Variants in UTP20 observed in about 807,000 individuals in gnomAD.
UTP20 encodes the protein small subunit processome component 20 homolog.
UTP20 carries 164 observed loss-of-function variants against 329.5 expected under a neutral mutation model. The ratio of observed to expected loss-of-function variants is 0.50; its 90% CI spans 0.44 to 0.57. The LOEUF (loss-of-function observed/expected upper bound fraction) is 0.57. Ranked by LOEUF, UTP20 falls within the 20% of genes least tolerant of loss-of-function variation. The pLI is 0.00. For synonymous variants in UTP20, 1,151 were observed against 1,159.3 expected, an observed-to-expected ratio of 0.99 and a Z score of 0.14; for missense variants, 3,055 against 3,284.2, an observed-to-expected ratio of 0.93 and a Z score of 1.71.
intron 11 of UTP20, among the ~76,000 whole-genome samples, chr12:101,294,292 GCTAT>G (rs1872273331): frequency 6.6e-6 from 1 of 151,762 alleles, no homozygotes; most frequent in Admixed American, 6.6e-5. Flanking sequence ...GCCTCGGCCA[GCTAT>G]TTTTTTCTTA....
intron 55 of UTP20, 35 bp downstream of exon 55, chr12:101,374,974 C>G: frequency 2.6e-6 from 4 of 1,538,854 alleles, no homozygotes; most frequent in Non-Finnish European, 3.6e-6. Flanking sequence ...ACTTTTCTAA[C>G]TTATAGTTTT....
chr12:101,321,046 T>C, intron 24 of UTP20, 109 bp downstream of exon 24: 9 of 936,274 alleles, frequency 9.6e-6, no homozygotes, highest in African/African-American at 1.7e-5. Flanking sequence ...AGTTTCCCTT[T>C]TTTCTGAGGT....
chr12:101,368,000 A>G lies in UTP20; in HGVS notation c.6384+24A>G, dbSNP rs190350696. ...AGGTAAGCATCGGTTTGCACTCTGC[A>G]TTGGAGCATTTATTTCTTCAGAAGA... On this transcript the variant is annotated intron_variant, in intron 48 of 61. Transcript: ENST00000261637. 3.3e-4 allele frequency: 477 copies of G among 1,466,156 alleles called. 2 individuals are homozygous for G. The African/African-American group carries it at 5.4e-3, about 17-fold the overall frequency. 90.8% of individuals were successfully genotyped at this position (1,466,156 alleles called of 1,614,324 possible).
intron 56 of UTP20, among the ~76,000 whole-genome samples, chr12:101,376,015 C>CT (rs1442490713): frequency 6.6e-6 from 1 of 152,086 alleles, no homozygotes; most frequent in African/African-American, 2.4e-5. Flanking sequence ...ATATGTATCT[C>CT]TTTTTTTCCT....
Position 101,285,653 on chromosome 12 carries a change from T to C in UTP20, c.193+17T>C. ...AACACTTCGGTATTTTCTATTTCGTTTCTATTTTATTCACCCATAGTTTGC... is the reference window on the plus strand; with the variant it reads ...AACACTTCGGTATTTTCTATTTCGTCTCTATTTTATTCACCCATAGTTTGC... On this transcript the variant is annotated intron_variant, in intron 3 of 61. Transcript: ENST00000261637. 6.2e-7 allele frequency: 1 copy of C among 1,613,796 alleles called. No individual in the cohort carries two copies. The highest frequency in any genetic ancestry group is 8.5e-7 in the Non-Finnish European group (1 of 1,179,796).
Position 101,374,886 on chromosome 12 carries a change from G to A in UTP20, c.7210G>A (p.Gly2404Arg). ...AGGAGTTGATTTTGAGAAAAGACTT[G>A]GAACTGTCCTTCCTGTGATTGAAAA... Reference protein sequence around the residue: ...SEGVDFEKRLGTVLPVIEKEI... With the variant: ...SEGVDFEKRLRTVLPVIEKEI... The change falls in exon 55 of 62, where the codon GGA becomes AGA. Residue 2404 changes from glycine (G) to arginine (R), a missense_variant. Gly to Arg is a moderately radical substitution (Grantham distance 125). Coordinates refer to ENST00000261637, the MANE Select transcript of UTP20 (RefSeq NM_014503.3). 6.2e-7 allele frequency: 1 copy of A among 1,604,802 alleles called. No individual in the cohort carries two copies. Among genetic ancestry groups the A allele is most frequent in the Non-Finnish European group, 8.5e-7 (1 of 1,171,654 alleles).
intron 38 of UTP20, among the ~76,000 whole-genome samples, chr12:101,347,322 A>G (rs1290792131): frequency 6.6e-6 from 1 of 152,124 alleles, no homozygotes; most frequent in Non-Finnish European, 1.5e-5. Context: ...CAGGAGTTTG[A>G]GACCAGCCTG....
intron 29 of UTP20, among the ~76,000 whole-genome samples, chr12:101,335,522 C>A (rs142177252): frequency 6.6e-6 from 1 of 152,294 alleles, no homozygotes; most frequent in East Asian, 1.9e-4. Flanking sequence ...CTCCCAGTTC[C>A]CACTGAAAAT....
At chr12:101,344,898 T>C (rs1869267333) in intron 36 of UTP20, 148 bp downstream of exon 36, 2 of 503,562 alleles carry the variant, frequency 4.0e-6, no homozygotes, top group Non-Finnish European at 7.0e-6. Context: ...AGACTTTTAA[T>C]GGGAGTGGGT....
intron 41 of UTP20, 134 bp from the exon 42 acceptor site, chr12:101,356,420 C>T (rs1258419012): frequency 1.1e-6 from 1 of 890,814 alleles, no homozygotes; most frequent in Non-Finnish European, 1.6e-6. Flanking sequence ...GCCACCGCAC[C>T]CAGCCTTTTC....
chr12:101,312,201 G>T lies in UTP20; in HGVS notation c.2477G>T (p.Arg826Ile). Residue 826 changes from arginine (R) to isoleucine (I), a missense_variant, in exon 21 of 62, where the codon AGA becomes ATA. Coordinates refer to ENST00000261637, the MANE Select transcript of UTP20 (RefSeq NM_014503.3). The stretch of plus-strand genomic sequence containing the variant: ...ACCAACTTCAGATTCCTGCTCTGGA[G>T]AGCTCTGACCAAATTCCCAGAAAGA... ...DHTNFRFLLW[R>I]ALTKFPERVE... is the part of the protein sequence containing the mutation. 1 of 1,614,208 alleles carries T rather than the reference G, an allele frequency of 6.2e-7. No individual in the cohort carries two copies. The highest frequency in any genetic ancestry group is 8.5e-7 in the Non-Finnish European group (1 of 1,180,036).
Position 101,344,594 on chromosome 12 carries a change from G to A in UTP20, c.4450-1G>A. ...TTCTTTTTTATTTCTCTTTTTTGCA[G>A]TTAGGAGATATGAGTTTAAGTGATA... On this transcript the variant is annotated splice_acceptor_variant, in intron 35 of 61. Transcript: ENST00000261637. LOFTEE classifies it high-confidence loss of function. 1.1e-6 allele frequency: 1 copy of A among 939,030 alleles called. No individual in the cohort carries two copies. Among genetic ancestry groups the A allele is most frequent in the Non-Finnish European group, 1.8e-6 (1 of 564,552 alleles). The allele number at this position is 939,030 out of a possible 1,614,324, so 58.2% of individuals were successfully genotyped here. A position where few individuals can be genotyped will look rare whatever the true frequency, so the allele number is the denominator to read the frequency against.
intron 45 of UTP20, among the ~76,000 whole-genome samples, 185 bp downstream of exon 45, chr12:101,363,928 A>G (rs1259816565): frequency 3.3e-5 from 5 of 152,150 alleles, no homozygotes; most frequent in Admixed American, 2.6e-4. Context: ...CCCCTATGTA[A>G]ACCATGAGAT....
chr12:101,338,779 T>A, intron 30 of UTP20, 34 bp from the exon 31 acceptor site: 1 of 1,548,988 alleles, frequency 6.5e-7, no homozygotes, highest in East Asian at 2.4e-5. Context: ...TAAGAGAGTT[T>A]ATTAAAATCA....
At chr12:101,338,720 T>C (rs1869019012) in intron 30 of UTP20, 93 bp from the exon 31 acceptor site, 1 of 1,038,396 alleles carries the variant, frequency 9.6e-7, no homozygotes, top group Non-Finnish European at 1.3e-6. Flanking sequence ...ATGTTCATAG[T>C]GGTTGAGTGC....
Position 101,362,532 on chromosome 12 carries a change from C to T in UTP20, c.5790+472C>T, listed in dbSNP as rs370957751. Among the ~76,000 whole-genome samples the T allele has an allele frequency of 1.9e-4, 19 of 102,030 alleles. 5 individuals carry two copies. In the African/African-American group the frequency reaches 2.4e-3, roughly 13 times the overall value. 66.9% of individuals were successfully genotyped at this position (102,030 alleles called of 152,430 possible). A position where few individuals can be genotyped will look rare whatever the true frequency, so the allele number is the denominator to read the frequency against. On this transcript the variant is annotated intron_variant, in intron 44 of 61. Coordinates refer to ENST00000261637, the MANE Select transcript of UTP20 (RefSeq NM_014503.3). ...CAGCCTGGCCAACATGGTGAAACCC[C>T]GTCTCTAAGAAAAATACAAAAACTA...
chr12:101,355,278 C>CTGAA (rs1178102451), intron 41 of UTP20, among the ~76,000 whole-genome samples, 160 bp downstream of exon 41: 1 of 152,270 alleles, frequency 6.6e-6, no homozygotes, highest in Middle Eastern at 3.4e-3. Context: ...ATCTCTTCAA[C>CTGAA]TTCAGGCTTA....
chr12:101,385,441 T>G, intron 60 of UTP20, 142 bp from the exon 61 acceptor site: 1 of 924,422 alleles, frequency 1.1e-6, no homozygotes, highest in Non-Finnish European at 1.6e-6. Flanking sequence ...GCTGCAAGAG[T>G]TGAAATTTTG....
intron 43 of UTP20, among the ~76,000 whole-genome samples, chr12:101,359,319 G>T (rs1008222171): frequency 6.6e-6 from 1 of 152,068 alleles, no homozygotes; most frequent in Non-Finnish European, 1.5e-5. Context: ...GCCTGCCTTG[G>T]CCTCCCAAAA....
Sources: allele counts gnomAD v4.1 joint callset (sites outside exome capture counted in the v4.1 genomes callset), GRCh38; gene constraint gnomAD v4.1.1; transcripts MANE v1.5; gene names NCBI Gene and HGNC (gene_info 2026-07-23, HGNC 2026-07-21).